The following CCDC18 variants were observed in gnomAD, a reference collection of about 807,000 sequenced individuals.
CCDC18 encodes the protein coiled-coil domain containing 18.
In CCDC18, 157 loss-of-function variants were observed where a neutral mutation model predicts 196.0. The ratio of observed to expected loss-of-function variants is 0.80; its 90% CI spans 0.70 to 0.91. The LOEUF (loss-of-function observed/expected upper bound fraction) is 0.91. Ranked by LOEUF, CCDC18 falls within the 40% of genes least tolerant of loss-of-function variation. CCDC18 has a pLI of 0.00. For synonymous variants in CCDC18, 482 were observed against 529.2 expected (o/e 0.91, Z 1.22); for missense variants, 1,465 against 1,611.6 (o/e 0.91, Z 1.56).
chr1:93,237,075 T>C (rs1196596155), intron 19 of CCDC18, among the ~76,000 whole-genome samples: 2 of 152,058 alleles, frequency 1.3e-5, no homozygotes, highest in African/African-American at 4.8e-5. Context: ...GAGTCAAGAG[T>C]GAACTTAGGC....
intron 16 of CCDC18, among the ~76,000 whole-genome samples, chr1:93,225,945 T>C (rs904894056): frequency 2.0e-5 from 3 of 152,186 alleles, no homozygotes; most frequent in Non-Finnish European, 4.4e-5. Context: ...CAGTTGGCCC[T>C]AGTTTATCTT....
At chr1:93,218,299 A>C (rs1656825884) in intron 14 of CCDC18, among the ~76,000 whole-genome samples, 1 of 152,242 alleles carries the variant, frequency 6.6e-6, no homozygotes, top group African/African-American at 2.4e-5. Context: ...ACCTTCAGTG[A>C]ATGCCTGAAA....
intron 4 of CCDC18, among the ~76,000 whole-genome samples, chr1:93,189,904 C>G (rs1344507225): frequency 6.6e-6 from 1 of 152,124 alleles, no homozygotes; most frequent in African/African-American, 2.4e-5. Context: ...TGGACTCAAG[C>G]GATCCACCCA....
rs766868745 is a variant in CCDC18, at chr1:93,180,788, A to G, written c.-67A>G. On this transcript the variant is annotated 5_prime_UTR_variant, in exon 1 of 29. Coordinates refer to ENST00000690025, the MANE Select transcript of CCDC18 (RefSeq NM_001378204.1). ...AGTTGTGTCCGAGGCTTCCACGCGC[A>G]GGGGCCCGGGAAAGGGTCAGAGGCT... The G allele has an allele frequency of 1.5e-6, 2 of 1,367,720 alleles. No homozygotes were observed. The highest frequency in any genetic ancestry group is 9.8e-7 in the Non-Finnish European group (1 of 1,021,952). 84.7% of individuals were successfully genotyped at this position (1,367,720 alleles called of 1,614,324 possible). A position where few individuals can be genotyped will look rare whatever the true frequency, so the allele number is the denominator to read the frequency against.
intron 21 of CCDC18, among the ~76,000 whole-genome samples, chr1:93,240,949 A>G (rs1443238230): frequency 6.6e-6 from 1 of 152,062 alleles, no homozygotes; most frequent in African/African-American, 2.4e-5. Context: ...AGCCATGTCA[A>G]CTTTATTTCC....
intron 4 of CCDC18, among the ~76,000 whole-genome samples, chr1:93,189,900 C>T (rs546461925): frequency 6.6e-6 from 1 of 152,280 alleles, no homozygotes; most frequent in African/African-American, 2.4e-5. Flanking sequence ...CTCCTGGACT[C>T]AAGCGATCCA....
intron 13 of CCDC18, 120 bp from the exon 14 acceptor site, chr1:93,217,618 T>G: frequency 1.3e-6 from 1 of 772,200 alleles, no homozygotes; most frequent in South Asian, 2.3e-5. Context: ...TTTGTATTTT[T>G]CATAGAGACG....
At chr1:93,196,818 T>C (rs1237753176) in intron 6 of CCDC18, among the ~76,000 whole-genome samples, 1 of 152,320 alleles carries the variant, frequency 6.6e-6, no homozygotes, top group African/African-American at 2.4e-5. Flanking sequence ...TTCCAAAAGA[T>C]TGATGTCGTA....
intron 28 of CCDC18, among the ~76,000 whole-genome samples, chr1:93,276,510 T>C (rs1366111156): frequency 6.6e-6 from 1 of 152,118 alleles, no homozygotes; most frequent in Non-Finnish European, 1.5e-5. Context: ...CTCTTATTTG[T>C]AAGTAGTTTT....
intron 17 of CCDC18, among the ~76,000 whole-genome samples, chr1:93,229,957 G>A (rs1227509216): frequency 6.6e-6 from 1 of 151,750 alleles, no homozygotes; most frequent in Non-Finnish European, 1.5e-5. Flanking sequence ...TCATTTAAAT[G>A]GATGGACTTA....
chr1:93,273,977 T>G (rs1340814366), intron 28 of CCDC18, among the ~76,000 whole-genome samples: 1 of 152,216 alleles, frequency 6.6e-6, no homozygotes, highest in Non-Finnish European at 1.5e-5. Flanking sequence ...ACTATTATTA[T>G]CCTTATGATA....
chr1:93,237,946 A>G (rs1192765284), intron 19 of CCDC18, among the ~76,000 whole-genome samples: 2 of 152,160 alleles, frequency 1.3e-5, no homozygotes, highest in East Asian at 1.9e-4. Flanking sequence ...TCTAAAATGT[A>G]TATTTTCTTG....
Position 93,246,136 on chromosome 1 carries a change from C to A in CCDC18, c.3013C>A (p.Gln1005Lys). ...CAAGATGGAGATTGAAGACAAAAAG[C>A]AGGAGCTCCTTGAAATGGATCAGGC... ...ECKMEIEDKK[Q>K]ELLEMDQALK... is the part of the protein sequence containing the mutation. The change falls in exon 22 of 29, where the codon CAG becomes AAG. Residue 1005 changes from glutamine to lysine, a missense_variant. Gln to Lys is a moderately conservative substitution (Grantham distance 53). Coordinates refer to ENST00000690025, the MANE Select transcript of CCDC18 (RefSeq NM_001378204.1). 1 of 1,605,178 alleles carries A rather than the reference C, an allele frequency of 6.2e-7. No individual in the cohort carries two copies.
Position 93,209,689 on chromosome 1 carries a change from A to C in CCDC18, c.1210-1113A>C, listed in dbSNP as rs74414512. Among the ~76,000 whole-genome samples the C allele has an allele frequency of 1.4e-3, 217 of 152,332 alleles. 3 individuals carry two copies. In the East Asian group the frequency reaches 0.029, roughly 21 times the overall value. ...GTTTATTTGCTTGGATTTTTAATGT[A>C]CTGTTTGCTTTTGAAATTAGAAAGT... is the stretch of plus-strand genomic sequence containing the variant. On this transcript the variant is annotated intron_variant, in intron 9 of 28. Coordinates refer to ENST00000690025, the MANE Select transcript of CCDC18 (RefSeq NM_001378204.1).
intron 11 of CCDC18, among the ~76,000 whole-genome samples, chr1:93,214,346 A>C (rs561770144): frequency 6.6e-6 from 1 of 152,314 alleles, no homozygotes; most frequent in South Asian, 2.1e-4. Flanking sequence ...CAGTACATAA[A>C]AATGTTCTTA....
At chr1:93,247,723 C>G (rs1475139951) in intron 23 of CCDC18, among the ~76,000 whole-genome samples, 34 of 151,792 alleles carry the variant, frequency 2.2e-4, no homozygotes, top group Non-Finnish European at 4.4e-5. Context: ...CCCTGTTTAT[C>G]AGTTCTAATA....
At chr1:93,200,043 G>T (rs1178242441) in intron 6 of CCDC18, 1 of 152,242 alleles carries the variant, frequency 6.6e-6, no homozygotes, top group Non-Finnish European at 1.5e-5. Context: ...AGAATGCAGT[G>T]TTGCGATCAT....
chr1:93,265,412 T>G (rs1469762310), intron 27 of CCDC18, among the ~76,000 whole-genome samples: 1 of 152,230 alleles, frequency 6.6e-6, no homozygotes, highest in East Asian at 1.9e-4. Context: ...ATTAATTTAA[T>G]GTATTCAGTG....
chr1:93,251,155 A>T (rs1476926606), intron 23 of CCDC18, among the ~76,000 whole-genome samples: 1 of 152,170 alleles, frequency 6.6e-6, no homozygotes, highest in Admixed American at 6.6e-5. Context: ...TATAGAAAAC[A>T]TCCTATTGTT....
Sources: allele counts gnomAD v4.1 joint callset (sites outside exome capture counted in the v4.1 genomes callset), GRCh38; gene constraint gnomAD v4.1.1; transcripts MANE v1.5; gene names NCBI Gene and HGNC (gene_info 2026-07-23, HGNC 2026-07-21).